RARB: variants seen among roughly 807,000 people sequenced by gnomAD.
RARB encodes retinoic acid receptor beta, also known as HBV-activated protein.
RARB carries 17 observed loss-of-function variants against 51.9 expected under a neutral mutation model. That is an observed-to-expected ratio of 0.33 (90% CI 0.22 to 0.49). RARB has a LOEUF of 0.49. RARB is among the 20% of genes least tolerant of loss of function. The probability of loss-of-function intolerance (pLI) is 0.99; values close to 1 mark genes in which losing one functional copy is unlikely to be tolerated. For missense variants in RARB, 369 were observed against 550.8 expected (o/e 0.67, Z 3.30); for synonymous variants, 215 against 195.4 (o/e 1.10, Z -0.84).
At chr3:25,448,497 C>T (rs1245772232) in intron 1 of RARB, among the ~76,000 whole-genome samples, 1 of 152,114 alleles carries the variant, frequency 6.6e-6, no homozygotes, top group Non-Finnish European at 1.5e-5. Context: ...GACAGAGTTT[C>T]ACTCTTGTTG....
At chr3:25,557,238 GT>G (rs1700101060) in intron 3 of RARB, among the ~76,000 whole-genome samples, 1 of 151,846 alleles carries the variant, frequency 6.6e-6, no homozygotes, top group African/African-American at 2.4e-5. Flanking sequence ...ATCAGCATCT[GT>G]TGCACAGTAG....
chr3:24,949,139 G>C (rs6798808), intron 2 of RARB, among the ~76,000 whole-genome samples: 93,572 of 152,042 alleles, frequency 0.62, 31,033 homozygotes, highest in African/African-American at 0.87. Context: ...CTTGGGAAAC[G>C]TCACTGCACT....
At chr3:24,880,352 G>A (rs1233849302) in intron 2 of RARB, among the ~76,000 whole-genome samples, 1 of 151,990 alleles carries the variant, frequency 6.6e-6, no homozygotes, top group Admixed American at 6.6e-5. Flanking sequence ...AGGAAAACTG[G>A]GGGTGGGGGC....
intron 5 of RARB, among the ~76,000 whole-genome samples, chr3:25,385,888 A>C (rs544133701): frequency 3.3e-5 from 5 of 152,300 alleles, no homozygotes; most frequent in Admixed American, 6.5e-5. Context: ...GAACTCTCAC[A>C]GATACACCGT....
At chr3:25,235,532 A>G (rs1702282539) in intron 5 of RARB, among the ~76,000 whole-genome samples, 1 of 152,180 alleles carries the variant, frequency 6.6e-6, no homozygotes, top group Admixed American at 6.5e-5. Context: ...TTATGGTTGA[A>G]TTTCAACTGC....
intron 2 of RARB, among the ~76,000 whole-genome samples, chr3:25,025,552 T>TTTC (rs1697729039): frequency 6.6e-6 from 1 of 152,122 alleles, no homozygotes; most frequent in African/African-American, 2.4e-5. Flanking sequence ...AAACTATAAG[T>TTTC]TACAGTAGTT....
chr3:25,113,620 C>A (rs1699639254), intron 3 of RARB, among the ~76,000 whole-genome samples: 2 of 152,130 alleles, frequency 1.3e-5, no homozygotes, highest in Admixed American at 6.5e-5. Flanking sequence ...CTGATAATCA[C>A]CACTGAGTGC....
intron 4 of RARB, among the ~76,000 whole-genome samples, chr3:25,144,668 G>T (rs1700159709): frequency 6.6e-6 from 1 of 152,088 alleles, no homozygotes; most frequent in Non-Finnish European, 1.5e-5. Context: ...AGGTAGATTG[G>T]GCTAACTTCT....
intron 4 of RARB, among the ~76,000 whole-genome samples, chr3:25,168,982 T>C (rs1416124115): frequency 6.6e-6 from 1 of 152,114 alleles, no homozygotes; most frequent in African/African-American, 2.4e-5. Context: ...GGATCAGAAA[T>C]CTGAATAATA....
At chr3:25,570,340 C>T (rs1027964408) in intron 4 of RARB, among the ~76,000 whole-genome samples, 5 of 152,144 alleles carry the variant, frequency 3.3e-5, no homozygotes, top group South Asian at 2.1e-4. Flanking sequence ...CCCAGGGGGA[C>T]GGGGCCTGAT....
chr3:25,478,848 G>A (rs1696092947), intron 2 of RARB, among the ~76,000 whole-genome samples: 1 of 152,166 alleles, frequency 6.6e-6, no homozygotes, highest in African/African-American at 2.4e-5. Flanking sequence ...CTAGGCCACT[G>A]GGTGAATTTT....
chr3:24,893,351 A>G (rs1037217820), intron 2 of RARB, among the ~76,000 whole-genome samples: 3 of 152,238 alleles, frequency 2.0e-5, no homozygotes, highest in Admixed American at 2.0e-4. Flanking sequence ...TAAACATTTA[A>G]AATGAACTGT....
chr3:25,213,784 A>G (rs1701754578), intron 5 of RARB, among the ~76,000 whole-genome samples: 1 of 152,212 alleles, frequency 6.6e-6, no homozygotes, highest in African/African-American at 2.4e-5. Context: ...ACTATGGTCA[A>G]TCATGCCTAT....
intron 2 of RARB, among the ~76,000 whole-genome samples, chr3:25,028,968 G>A (rs941923739): frequency 3.9e-5 from 6 of 152,118 alleles, no homozygotes; most frequent in African/African-American, 9.7e-5. Context: ...CCTGTTTGCC[G>A]CTGGCAAAGG....
chr3:25,320,444 C>T (rs1262408694), intron 5 of RARB, among the ~76,000 whole-genome samples: 1 of 152,126 alleles, frequency 6.6e-6, no homozygotes, highest in Non-Finnish European at 1.5e-5. Context: ...AAGGAGCTTT[C>T]CAGGGCCAGG....
At chr3:25,305,910 C>G (rs752494720) in intron 5 of RARB, among the ~76,000 whole-genome samples, 4 of 152,110 alleles carry the variant, frequency 2.6e-5, no homozygotes, top group Non-Finnish European at 2.9e-5. Context: ...ATGTTTGCAG[C>G]CTGTCTGGTA....
At chr3:25,228,281 CTTTG>C (rs1191569809) in intron 5 of RARB, among the ~76,000 whole-genome samples, 1 of 127,184 alleles carries the variant, frequency 7.9e-6, no homozygotes, top group Admixed American at 9.1e-5. Context: ...ATACTCTACT[CTTTG>C]TTTGCCATAT....
chr3:25,536,338 A>G (rs1699139444), intron 3 of RARB, among the ~76,000 whole-genome samples: 1 of 152,196 alleles, frequency 6.6e-6, no homozygotes, highest in Admixed American at 6.5e-5. Flanking sequence ...CATGCTAAAG[A>G]CACGACACTG....
At chr3:25,233,174 T>G (rs2363593) in intron 5 of RARB, among the ~76,000 whole-genome samples, 71,575 of 151,576 alleles carry the variant, frequency 0.47, 17,925 homozygotes, top group East Asian at 0.68. Context: ...CTGGCCAGGC[T>G]GGTCTTGAGC....
Sources: gnomAD v4.1 joint callset for allele counts (sites outside exome capture counted in the v4.1 genomes callset) on GRCh38, gnomAD v4.1.1 for gene constraint, MANE v1.5 for transcripts, NCBI Gene and HGNC (gene_info 2026-07-23, HGNC 2026-07-21) for gene names.